FSTL5: variants seen among roughly 807,000 people sequenced by gnomAD.
The protein encoded by FSTL5 is follistatin like 5.
FSTL5 carries 62 observed loss-of-function variants against 89.1 expected under a neutral mutation model. The observed-to-expected ratio is 0.70, with a 90% CI of 0.57 to 0.86. The LOEUF (loss-of-function observed/expected upper bound fraction) is 0.86. Ranked by LOEUF, FSTL5 falls within the 40% of genes least tolerant of loss-of-function variation. The pLI, the probability that FSTL5 is intolerant of heterozygous loss-of-function variation, is 0.00. For synonymous variants in FSTL5, 383 were observed against 346.2 expected, an observed-to-expected ratio of 1.11 and a Z score of -1.18; for missense variants, 1,057 against 1,001.6, an observed-to-expected ratio of 1.06 and a Z score of -0.75.
At chr4:161,827,539 G>T (rs1422228291) in intron 4 of FSTL5, among the ~76,000 whole-genome samples, 1 of 152,144 alleles carries the variant, frequency 6.6e-6, no homozygotes, top group South Asian at 2.1e-4. Context: ...CTTTGTCTTC[G>T]ACTACCAGGG....
At chr4:161,427,241 G>A (rs1159012632) in intron 15 of FSTL5, among the ~76,000 whole-genome samples, 3 of 152,134 alleles carry the variant, frequency 2.0e-5, no homozygotes, top group Non-Finnish European at 2.9e-5. Flanking sequence ...TTCTGTAGCA[G>A]CCATATTATA....
rs577965922 is a variant in FSTL5, at chr4:161,498,613, G to A, written c.1458+1403C>T. On this transcript the variant is annotated intron_variant, in intron 12 of 15. Coordinates refer to ENST00000306100, the MANE Select transcript of FSTL5 (RefSeq NM_020116.5). ...GTGATATAGCCAAGACATGTGTGTC[G>A]TTAGCTGCAAAACTGCTAGTCCTGT... 4.6e-5 allele frequency among the ~76,000 whole-genome samples: 7 copies of A among 152,170 alleles called. No individual in the cohort carries two copies. In the South Asian group the frequency reaches 8.3e-4, roughly 18 times the overall value.
chr4:161,460,348 CATT>C (rs1733517030), intron 13 of FSTL5, among the ~76,000 whole-genome samples: 5 of 138,604 alleles, frequency 3.6e-5, no homozygotes, highest in Admixed American at 8.0e-5. Flanking sequence ...GTTAACTTGT[CATT>C]TACATTAGGT....
At chr4:161,718,490 G>C (rs1351818697) in intron 6 of FSTL5, among the ~76,000 whole-genome samples, 1 of 151,716 alleles carries the variant, frequency 6.6e-6, no homozygotes, top group East Asian at 1.9e-4. Context: ...GTGCAACGGC[G>C]AGATCTCAGC....
At chr4:161,711,864 C>T (rs182156505) in intron 6 of FSTL5, among the ~76,000 whole-genome samples, 21 of 152,006 alleles carry the variant, frequency 1.4e-4, no homozygotes, top group Admixed American at 3.9e-4. Context: ...ATCAATAGAA[C>T]GAAAAATAAA....
chr4:161,655,159 C>G (rs1427343040), intron 7 of FSTL5, among the ~76,000 whole-genome samples: 1 of 152,076 alleles, frequency 6.6e-6, no homozygotes, highest in African/African-American at 2.4e-5. Context: ...TAGGCTGTTT[C>G]TCAACCATAA....
chr4:161,707,554 C>G (rs1006991380), intron 6 of FSTL5, among the ~76,000 whole-genome samples: 6 of 151,840 alleles, frequency 4.0e-5, no homozygotes, highest in Admixed American at 2.6e-4. Context: ...GTTAACAAAG[C>G]TTACTAATGA....
intron 7 of FSTL5, among the ~76,000 whole-genome samples, chr4:161,613,581 A>G (rs1417232867): frequency 6.6e-6 from 1 of 152,190 alleles, no homozygotes; most frequent in African/African-American, 2.4e-5. Context: ...ACCAGGAGAC[A>G]GGGAGACCGA....
chr4:162,040,926 G>T (rs1737927661), intron 2 of FSTL5, among the ~76,000 whole-genome samples: 1 of 151,684 alleles, frequency 6.6e-6, no homozygotes, highest in African/African-American at 2.4e-5. Flanking sequence ...AAACTATTCT[G>T]CAGTCTCAAC....
At chr4:161,931,649 A>G (rs1434541984) in intron 3 of FSTL5, among the ~76,000 whole-genome samples, 2 of 151,938 alleles carry the variant, frequency 1.3e-5, no homozygotes, top group Non-Finnish European at 2.9e-5. Flanking sequence ...TTTCAAATGA[A>G]TAAACTGGTG....
At chr4:161,712,599 G>A (rs1560803766) in intron 6 of FSTL5, among the ~76,000 whole-genome samples, 1 of 152,162 alleles carries the variant, frequency 6.6e-6, no homozygotes. Flanking sequence ...ATACATGGTT[G>A]CTGAGATGGT....
chr4:161,472,017 C>T (rs569449637), intron 13 of FSTL5, among the ~76,000 whole-genome samples: 1 of 146,466 alleles, frequency 6.8e-6, no homozygotes, highest in Non-Finnish European at 1.5e-5. Flanking sequence ...CGCTCTGTTG[C>T]CCAGGCTGGA....
At chr4:161,760,195 TCTGTGCTCTAGTCTATGGACTG>T (rs1163991707) in intron 5 of FSTL5, among the ~76,000 whole-genome samples, 1 of 152,232 alleles carries the variant, frequency 6.6e-6, no homozygotes, top group Non-Finnish European at 1.5e-5. Flanking sequence ...TCTATTCTAG[TCTGTGCTCTAGTCTATGGACTG>T]CGGCTGCAGC....
intron 4 of FSTL5, among the ~76,000 whole-genome samples, chr4:161,904,182 A>G (rs919827454): frequency 6.6e-6 from 1 of 152,088 alleles, no homozygotes; most frequent in Non-Finnish European, 1.5e-5. Flanking sequence ...AGCAAAAAAA[A>G]AGAGAAAAAA....
chr4:161,799,454 AT>A (rs1219862995), intron 4 of FSTL5, among the ~76,000 whole-genome samples: 19 of 151,770 alleles, frequency 1.3e-4, no homozygotes, highest in African/African-American at 3.1e-4. Flanking sequence ...ATGAAAAAAA[AT>A]AAAAGATTTT....
chr4:161,993,185 G>A (rs980984579), intron 3 of FSTL5, among the ~76,000 whole-genome samples: 3 of 151,354 alleles, frequency 2.0e-5, no homozygotes, highest in African/African-American at 7.3e-5. Context: ...GGATATGGTT[G>A]TATACAAATC....
chr4:161,925,126 A>G (rs1734088282), intron 3 of FSTL5, among the ~76,000 whole-genome samples: 1 of 151,808 alleles, frequency 6.6e-6, no homozygotes, highest in African/African-American at 2.4e-5. Flanking sequence ...AAATCCTTTA[A>G]TGTAATAATG....
At chr4:161,642,032 C>G (rs1316729644) in intron 7 of FSTL5, among the ~76,000 whole-genome samples, 1 of 152,032 alleles carries the variant, frequency 6.6e-6, no homozygotes, top group African/African-American at 2.4e-5. Context: ...TTTATTTCAA[C>G]TTTACAAAGA....
In FSTL5 at chr4:161,869,008, G is replaced by A. The variant is rs139267956; in HGVS notation, c.409+51396C>T. 4.8e-3 allele frequency among the ~76,000 whole-genome samples: 726 copies of A among 152,224 alleles called. 2 individuals carry two copies. Among genetic ancestry groups the A allele is most frequent in the Middle Eastern group, 0.024 (7 of 294 alleles). ...AGAACGAGAGAGGCGGATCACCTGA[G>A]GTCAGGAGTCCGAGACCAGCCTGGC... On this transcript the variant is annotated intron_variant, in intron 4 of 15. Coordinates refer to ENST00000306100, the MANE Select transcript of FSTL5 (RefSeq NM_020116.5).
Sources: allele counts gnomAD v4.1 joint callset (sites outside exome capture counted in the v4.1 genomes callset), GRCh38; gene constraint gnomAD v4.1.1; transcripts MANE v1.5; gene names NCBI Gene and HGNC (gene_info 2026-07-23, HGNC 2026-07-21).